PLS1: variants seen among roughly 807,000 people sequenced by gnomAD.
PLS1 encodes the protein plastin-1.
A neutral mutation model predicts 73.7 loss-of-function variants in PLS1; 32 were observed. That is an observed-to-expected ratio of 0.43 (90% CI 0.33 to 0.58). The LOEUF is 0.58. Ranked by LOEUF, PLS1 falls within the 20% of genes least tolerant of loss-of-function variation. PLS1 has a pLI of 0.04. For missense variants in PLS1, 633 were observed against 740.5 expected, an observed-to-expected ratio of 0.85 and a Z score of 1.68; for synonymous variants, 217 against 261.3, an observed-to-expected ratio of 0.83 and a Z score of 1.63.
chr3:142,696,122 C>T (rs957641009), intron 11 of PLS1, among the ~76,000 whole-genome samples: 4 of 152,160 alleles, frequency 2.6e-5, no homozygotes, highest in African/African-American at 9.7e-5. Flanking sequence ...GTAACTTAAA[C>T]ATGATTGCAT....
intron 1 of PLS1, among the ~76,000 whole-genome samples, chr3:142,613,027 A>G (rs1347345603): frequency 6.6e-6 from 1 of 152,070 alleles, no homozygotes; most frequent in African/African-American, 2.4e-5. Flanking sequence ...CCGCCTCCCA[A>G]AGTGCTGGGA....
chr3:142,671,917 C>T (rs1259083146), intron 4 of PLS1, among the ~76,000 whole-genome samples: 5 of 152,126 alleles, frequency 3.3e-5, no homozygotes, highest in Non-Finnish European at 5.9e-5. Context: ...TTTCTCTCAT[C>T]TATTATATGT....
intron 1 of PLS1, among the ~76,000 whole-genome samples, chr3:142,607,505 A>C (rs1577765187): frequency 6.6e-6 from 1 of 152,132 alleles, no homozygotes; most frequent in Non-Finnish European, 1.5e-5. Context: ...TGATCTCTGG[A>C]CCTCATGATC....
intron 1 of PLS1, among the ~76,000 whole-genome samples, chr3:142,644,058 C>T (rs2036899708): frequency 6.6e-6 from 1 of 151,936 alleles, no homozygotes; most frequent in Non-Finnish European, 1.5e-5. Context: ...GAACTCCTGA[C>T]CTTAGGTGAT....
chr3:142,705,612 T>G lies in PLS1; in HGVS notation c.1629+1026T>G, dbSNP rs548278779. Among the ~76,000 whole-genome samples the G allele has an allele frequency of 2.5e-4, 38 of 152,202 alleles. 1 individual carries two copies. The highest frequency in any genetic ancestry group is 4.6e-4 in the Non-Finnish European group (31 of 68,036). On this transcript the variant is annotated intron_variant, in intron 14 of 15. Coordinates refer to ENST00000457734, the MANE Select transcript of PLS1 (RefSeq NM_001145319.2). ...TGAAAAACTAGCAATAAATTTGTGG[T>G]TTTTTTACTGAAATAAAGTACAAAG...
intron 1 of PLS1, among the ~76,000 whole-genome samples, chr3:142,659,522 C>A (rs1049846657): frequency 4.6e-5 from 7 of 152,014 alleles, no homozygotes; most frequent in African/African-American, 1.7e-4. Flanking sequence ...CCAAAATTGC[C>A]TTTGCTTTTC....
intron 1 of PLS1, among the ~76,000 whole-genome samples, chr3:142,596,727 A>T (rs758162954): frequency 3.9e-5 from 6 of 152,206 alleles, no homozygotes; most frequent in Non-Finnish European, 7.3e-5. Flanking sequence ...TAAATCGCGT[A>T]TTTACACTGC....
chr3:142,609,589 C>T (rs2036082756), intron 1 of PLS1, among the ~76,000 whole-genome samples: 2 of 152,112 alleles, frequency 1.3e-5, no homozygotes, highest in Admixed American at 6.5e-5. Flanking sequence ...CTTTTGCATC[C>T]CTGGTTTTAG....
At chr3:142,679,296 T>G (rs1324668761) in intron 6 of PLS1, among the ~76,000 whole-genome samples, 1 of 151,012 alleles carries the variant, frequency 6.6e-6, no homozygotes, top group African/African-American at 2.4e-5. Context: ...CATTTGTCAA[T>G]TTTGTCTTTT....
chr3:142,669,499 A>T lies in PLS1; in HGVS notation c.180A>T (p.Leu60=). The change falls in exon 3 of 16, where the codon CTA becomes CTT. Residue 60 remains leucine (L), a synonymous_variant. Transcript: ENST00000457734. Reference sequence around the variant, plus strand: ...TGCGCGAGATTGTGGAGAAAATTCTATCAGTTGCTGACAGCAACAAAGATG... The same window carrying T: ...TGCGCGAGATTGTGGAGAAAATTCTTTCAGTTGCTGACAGCAACAAAGATG... ...YKVREIVEKI[L]SVADSNKDGK... 6.2e-7 allele frequency: 1 copy of T among 1,613,736 alleles called. No individual in the cohort carries two copies. Among genetic ancestry groups the T allele is most frequent in the Non-Finnish European group, 8.5e-7 (1 of 1,179,668 alleles).
intron 12 of PLS1, among the ~76,000 whole-genome samples, chr3:142,702,199 A>G (rs1008266666): frequency 5.9e-5 from 9 of 152,196 alleles, no homozygotes; most frequent in African/African-American, 1.9e-4. Context: ...GACTACAGGC[A>G]TGTGCCACCA....
At chr3:142,602,256 G>C (rs919274448) in intron 1 of PLS1, among the ~76,000 whole-genome samples, 1 of 152,026 alleles carries the variant, frequency 6.6e-6, no homozygotes, top group African/African-American at 2.4e-5. Flanking sequence ...CTGTGATTGG[G>C]GAGTGAGTTG....
rs184089711 is a variant in PLS1 at position 142,606,125 on chromosome 3, C to A, written c.-37+9616C>A. Among the ~76,000 whole-genome samples, 184 of 152,170 alleles carry A rather than the reference C, an allele frequency of 1.2e-3. 4 individuals carry two copies. The highest frequency in any genetic ancestry group is 0.011 in the Admixed American group (173 of 15,278). On this transcript the variant is annotated intron_variant, in intron 1 of 15. Coordinates refer to ENST00000457734, the MANE Select transcript of PLS1 (RefSeq NM_001145319.2). ...TGTACAAAAGGGTACACAATGATAC[C>A]CATTTTTGCATGTTAATGTATTATT...
At chr3:142,603,436 G>A (rs2035961245) in intron 1 of PLS1, among the ~76,000 whole-genome samples, 1 of 152,142 alleles carries the variant, frequency 6.6e-6, no homozygotes, top group Admixed American at 6.6e-5. Flanking sequence ...CAGACTTTAC[G>A]ATAAACTAAA....
At chr3:142,707,252 T>G (rs757410164) in intron 14 of PLS1, among the ~76,000 whole-genome samples, 12 of 152,206 alleles carry the variant, frequency 7.9e-5, no homozygotes, top group Non-Finnish European at 7.3e-5. Flanking sequence ...GAAGGCATTA[T>G]GTTTGAAGGC....
At chr3:142,665,520 A>G (rs1334768780) in intron 2 of PLS1, among the ~76,000 whole-genome samples, 2 of 152,148 alleles carry the variant, frequency 1.3e-5, no homozygotes, top group East Asian at 3.8e-4. Context: ...AATCTTTTCA[A>G]AACAAAAACT....
intron 10 of PLS1, among the ~76,000 whole-genome samples, chr3:142,691,327 G>T (rs1212352930): frequency 6.6e-6 from 1 of 151,698 alleles, no homozygotes; most frequent in African/African-American, 2.4e-5. Context: ...ATTTTTCAGC[G>T]AAGAGAAATT....
In PLS1 at chr3:142,636,613, A is replaced by G. The variant is rs537583403; in HGVS notation, c.-36-27589A>G. Among the ~76,000 whole-genome samples the G allele has an allele frequency of 3.3e-4, 50 of 152,364 alleles. No individual in the cohort carries two copies. The South Asian group carries it at 8.5e-3, about 26-fold the overall frequency. On this transcript the variant is annotated intron_variant, in intron 1 of 15. Coordinates refer to ENST00000457734, the MANE Select transcript of PLS1 (RefSeq NM_001145319.2). ...AAATGTAAAAGTTCTAGCATTTCAA[A>G]TAAGCTATTAAGAGAATGAAATGAC... is the stretch of plus-strand genomic sequence containing the variant.
intron 1 of PLS1, among the ~76,000 whole-genome samples, chr3:142,618,066 G>C (rs758956978): frequency 6.6e-6 from 1 of 152,126 alleles, no homozygotes; most frequent in Non-Finnish European, 1.5e-5. Context: ...TCTCAGGAAG[G>C]GTTAAGACAA....
Sources: gnomAD v4.1 joint callset for allele counts (sites outside exome capture counted in the v4.1 genomes callset) on GRCh38, gnomAD v4.1.1 for gene constraint, MANE v1.5 for transcripts, NCBI Gene and HGNC (gene_info 2026-07-23, HGNC 2026-07-21) for gene names.